The following ANXA10 variants were observed in gnomAD, a reference collection of about 807,000 sequenced individuals.
ANXA10 encodes the protein annexin 14.
ANXA10 carries 49 observed loss-of-function variants against 53.5 expected under a neutral mutation model. That is an observed-to-expected ratio of 0.92 (90% CI 0.73 to 1.16). The LOEUF (loss-of-function observed/expected upper bound fraction) is 1.16. ANXA10 is among the 50% of genes most tolerant of loss of function. The pLI is 0.00. For missense variants in ANXA10, 393 were observed against 394.4 expected (o/e 1.00, Z 0.03); for synonymous variants, 131 against 128.9 (o/e 1.02, Z -0.11).
chr4:168,167,738 C>T (rs1050687884), intron 6 of ANXA10, among the ~76,000 whole-genome samples: 2 of 152,144 alleles, frequency 1.3e-5, no homozygotes, highest in African/African-American at 4.8e-5. Context: ...AAAGTTCTTT[C>T]CTAGATATAT....
At chr4:168,165,149 C>A (rs1731852916) in intron 5 of ANXA10, 98 bp from the exon 6 acceptor site, 5 of 680,950 alleles carry the variant, frequency 7.3e-6, no homozygotes, top group East Asian at 6.0e-5. Flanking sequence ...ATTTCCTGGA[C>A]TTTGTACTCA....
intron 8 of ANXA10, 31 bp from the exon 9 acceptor site, chr4:168,179,186 A>G: frequency 7.5e-7 from 1 of 1,338,292 alleles, no homozygotes; most frequent in South Asian, 1.2e-5. Context: ...TATTTTCAAA[A>G]TCTCCTTTGA....
chr4:168,122,942 T>C (rs1386692490), intron 1 of ANXA10, among the ~76,000 whole-genome samples: 2 of 152,314 alleles, frequency 1.3e-5, no homozygotes, highest in Admixed American at 6.5e-5. Context: ...TGAAGGAATT[T>C]GTGTAATCAA....
At chr4:168,173,308 T>C (rs1467662805) in intron 6 of ANXA10, among the ~76,000 whole-genome samples, 2 of 152,164 alleles carry the variant, frequency 1.3e-5, no homozygotes, top group Non-Finnish European at 2.9e-5. Flanking sequence ...GGAAATGTAC[T>C]ATAATAGTAA....
intron 1 of ANXA10, among the ~76,000 whole-genome samples, chr4:168,098,600 G>T (rs1730590026): frequency 6.6e-6 from 1 of 152,064 alleles, no homozygotes; most frequent in Admixed American, 6.6e-5. Context: ...ATAGTCTCCA[G>T]CTATTTGTAA....
Position 168,187,456 on chromosome 4 carries a change from T to G in ANXA10, c.*22T>G, listed in dbSNP as rs187022424. The G allele has an allele frequency of 1.7e-5, 25 of 1,500,070 alleles. No individual in the cohort carries two copies. Among genetic ancestry groups the G allele is most frequent in the Non-Finnish European group, 2.2e-5 (24 of 1,102,216 alleles). The allele number at this position is 1,500,070 out of a possible 1,614,324, so 92.9% of individuals were successfully genotyped here. On this transcript the variant is annotated 3_prime_UTR_variant, in exon 12 of 12. Transcript: ENST00000359299. ...CTAAAATGAAGAGGACTTGGAGTAC[T>G]GTGCACTCCTCTTTCTAGACACTTC...
At chr4:168,109,328 T>C (rs970765424) in intron 1 of ANXA10, among the ~76,000 whole-genome samples, 2 of 152,256 alleles carry the variant, frequency 1.3e-5, no homozygotes, top group African/African-American at 4.8e-5. Context: ...TGAATTTTAA[T>C]GGATTTTAGT....
intron 3 of ANXA10, among the ~76,000 whole-genome samples, chr4:168,143,570 A>C (rs994172812): frequency 2.6e-5 from 4 of 152,226 alleles, no homozygotes; most frequent in African/African-American, 4.8e-5. Flanking sequence ...TCCCCACCAA[A>C]GCAAGTGCTA....
intron 10 of ANXA10, among the ~76,000 whole-genome samples, chr4:168,182,137 G>A (rs993999838): frequency 2.6e-5 from 4 of 151,994 alleles, no homozygotes; most frequent in Admixed American, 2.6e-4. Flanking sequence ...CAATTGCCAC[G>A]TTCGTGAAGT....
At chr4:168,138,814 G>C (rs1253825890) in intron 2 of ANXA10, among the ~76,000 whole-genome samples, 2 of 151,990 alleles carry the variant, frequency 1.3e-5, no homozygotes, top group Non-Finnish European at 2.9e-5. Flanking sequence ...CACTTCCTTG[G>C]TTAAATGTAT....
At chr4:168,096,926 A>ATATATATATGTATGTATG (rs371811709) in intron 1 of ANXA10, among the ~76,000 whole-genome samples, 2 of 129,902 alleles carry the variant, frequency 1.5e-5, no homozygotes, top group African/African-American at 3.0e-5. Flanking sequence ...ATATATATAT[A>ATATATATATGTATGTATG]TATGTATGTA....
chr4:168,165,812 G>A (rs887369131), intron 6 of ANXA10, among the ~76,000 whole-genome samples: 1 of 151,894 alleles, frequency 6.6e-6, no homozygotes, highest in African/African-American at 2.4e-5. Context: ...ATGTAGCTGG[G>A]ACTCAAGGCA....
chr4:168,130,918 T>G (rs986329217), intron 2 of ANXA10, among the ~76,000 whole-genome samples: 1 of 151,756 alleles, frequency 6.6e-6, no homozygotes, highest in African/African-American at 2.4e-5. Context: ...CCTATAAATT[T>G]TATTGATGTT....
intron 3 of ANXA10, among the ~76,000 whole-genome samples, chr4:168,152,192 G>A (rs13141767): frequency 0.22 from 32,808 of 152,144 alleles, 3,871 homozygotes; most frequent in African/African-American, 0.3. Context: ...TACAGGAAGT[G>A]TGGGGAGATG....
At position 168,139,484 on chromosome 4, in the gene ANXA10, A is replaced by C; in HGVS notation, c.101-2A>C. The stretch of plus-strand genomic sequence containing the variant: ...TAATCTTCAAATATTATTCTTTTCC[A>C]GACTGTGACAAAGACATGCTGATCA... On this transcript the variant is annotated splice_acceptor_variant, in intron 2 of 11. Transcript: ENST00000359299. LOFTEE classifies it high-confidence loss of function. 6.2e-7 allele frequency: 1 copy of C among 1,611,168 alleles called. No homozygotes were observed. The highest frequency in any genetic ancestry group is 8.5e-7 in the Non-Finnish European group (1 of 1,177,874).
intron 1 of ANXA10, among the ~76,000 whole-genome samples, chr4:168,113,065 G>C (rs1343487109): frequency 6.6e-6 from 1 of 152,072 alleles, no homozygotes; most frequent in Admixed American, 6.6e-5. Flanking sequence ...CAGTCTCTCT[G>C]AATCTGTTTC....
At chr4:168,118,046 T>A (rs905423427) in intron 1 of ANXA10, among the ~76,000 whole-genome samples, 1 of 151,746 alleles carries the variant, frequency 6.6e-6, no homozygotes, top group East Asian at 1.9e-4. Context: ...CACACAGACA[T>A]AAAGAGAACA....
At chr4:168,142,651 G>T (rs1034048057) in intron 3 of ANXA10, among the ~76,000 whole-genome samples, 3 of 152,158 alleles carry the variant, frequency 2.0e-5, no homozygotes, top group African/African-American at 7.2e-5. Context: ...GATGATTCTT[G>T]TTCATCCTAG....
intron 3 of ANXA10, among the ~76,000 whole-genome samples, chr4:168,155,468 A>G (rs1409923815): frequency 1.0e-4 from 2 of 19,252 alleles, no homozygotes; most frequent in African/African-American, 3.7e-4. Flanking sequence ...TATAATATAT[A>G]ATTATAAATT....
Sources: allele counts gnomAD v4.1 joint callset (sites outside exome capture counted in the v4.1 genomes callset), GRCh38; gene constraint gnomAD v4.1.1; transcripts MANE v1.5; gene names NCBI Gene and HGNC (gene_info 2026-07-23, HGNC 2026-07-21).